Variants in SYS1 observed in about 807,000 individuals in gnomAD.
SYS1 encodes the protein protein SYS1 homolog.
A neutral mutation model predicts 17.8 loss-of-function variants in SYS1; 8 were observed. The ratio of observed to expected loss-of-function variants is 0.45; its 90% CI spans 0.26 to 0.81. SYS1 has a LOEUF of 0.81. Among genes scored for constraint, SYS1 ranks in the 40% least tolerant of loss-of-function variants. The pLI, the probability that SYS1 is intolerant of heterozygous loss-of-function variation, is 0.16. For missense variants in SYS1, 161 were observed against 203.9 expected (o/e 0.79, Z 1.28); for synonymous variants, 95 against 90.9 (o/e 1.05, Z -0.26).
downstream of SYS1, among the ~76,000 whole-genome samples, chr20:45,369,587 A>G (rs1222541054): frequency 6.8e-6 from 1 of 146,334 alleles, no homozygotes; most frequent in African/African-American, 2.5e-5. Flanking sequence ...AAATATAGCC[A>G]GAGATTTCCT....
intron 2 of SYS1, 148 bp downstream of exon 2, chr20:45,363,841 C>T (rs933909050): frequency 7.4e-5 from 65 of 873,536 alleles, no homozygotes; most frequent in Non-Finnish European, 1.0e-4. Flanking sequence ...CCTCAGCTGC[C>T]TCATCCATAA....
downstream of SYS1, among the ~76,000 whole-genome samples, chr20:45,369,924 CT>C (rs1441275985): frequency 1.1e-3 from 153 of 140,838 alleles, no homozygotes; most frequent in Middle Eastern, 3.8e-3. Flanking sequence ...CCCAACTGGC[CT>C]TTTTTTTTTT....
downstream of SYS1, chr20:45,373,466 T>A (rs191746634): frequency 5.4e-5 from 12 of 220,818 alleles, no homozygotes; most frequent in Admixed American, 5.6e-4. Context: ...CTATTCCGCC[T>A]GCCTCGTGAC....
At position 45,363,327 on chromosome 20, in the gene SYS1, C is replaced by G; in HGVS notation, c.-4+12C>G. On this transcript the variant is annotated intron_variant, in intron 1 of 3. Coordinates refer to ENST00000243918, the MANE Select transcript of SYS1 (RefSeq NM_033542.4). Reference sequence around the variant, plus strand: ...CGAGTCTGTCACTGGTGAGTAGACCCCAGAGGAGCTCGTGTACGGGCGGGG... The same window carrying G: ...CGAGTCTGTCACTGGTGAGTAGACCGCAGAGGAGCTCGTGTACGGGCGGGG... The G allele has an allele frequency of 7.1e-7, 1 of 1,416,984 alleles. No homozygotes were observed. The highest frequency in any genetic ancestry group is 1.5e-5 in the South Asian group (1 of 66,786). 87.8% of individuals were successfully genotyped at this position (1,416,984 alleles called of 1,614,324 possible). A position where few individuals can be genotyped will look rare whatever the true frequency, so the allele number is the denominator to read the frequency against.
chr20:45,374,205 C>G, downstream of SYS1: 1 of 675,272 alleles, frequency 1.5e-6, no homozygotes, highest in East Asian at 2.7e-5. Context: ...CTTTCATTCT[C>G]CCACGAAAGG....
At chr20:45,372,450 A>C (rs535355452), downstream of SYS1, 1 of 152,398 alleles carries the variant, frequency 6.6e-6, no homozygotes, top group African/African-American at 2.4e-5. Flanking sequence ...GCCCCCACGA[A>C]GGCTAGTGCA....
chr20:45,363,931 C>A (rs1277889201), intron 2 of SYS1, among the ~76,000 whole-genome samples: 1 of 152,158 alleles, frequency 6.6e-6, no homozygotes, highest in Non-Finnish European at 1.5e-5. Flanking sequence ...GTGTTCCAGG[C>A]AACTCTGATA....
intron 2 of SYS1, among the ~76,000 whole-genome samples, chr20:45,364,274 C>G (rs991885331): frequency 1.7e-4 from 26 of 152,126 alleles, no homozygotes; most frequent in African/African-American, 6.3e-4. Flanking sequence ...GCTGTGGGAC[C>G]TTGGGCAAGT....
At chr20:45,375,366 T>G (rs1186204458) in exon 4 of SYS1, 7 of 1,614,188 alleles carry the variant, frequency 4.3e-6, no homozygotes, top group African/African-American at 1.3e-5. Context: ...TCCGTGGCAT[T>G]GCCGCCAATG....
At position 45,363,327 on chromosome 20, in the gene SYS1, C is replaced by T; in HGVS notation, c.-4+12C>T. ...CGAGTCTGTCACTGGTGAGTAGACC[C>T]CAGAGGAGCTCGTGTACGGGCGGGG... On this transcript the variant is annotated intron_variant, in intron 1 of 3. Coordinates refer to ENST00000243918, the MANE Select transcript of SYS1 (RefSeq NM_033542.4). 2.1e-6 allele frequency: 3 copies of T among 1,416,984 alleles called. No individual in the cohort carries two copies. Among genetic ancestry groups the T allele is most frequent in the Non-Finnish European group, 2.8e-6 (3 of 1,087,308 alleles). The allele number at this position is 1,416,984 out of a possible 1,614,324, so 87.8% of individuals were successfully genotyped here.
chr20:45,367,339 G>T lies in SYS1; in HGVS notation c.*224G>T. 1 of 1,383,246 alleles carries T rather than the reference G, an allele frequency of 7.2e-7. No individual in the cohort carries two copies. Among genetic ancestry groups the T allele is most frequent in the Non-Finnish European group, 9.4e-7 (1 of 1,068,476 alleles). 85.7% of individuals were successfully genotyped at this position (1,383,246 alleles called of 1,614,324 possible). A position where few individuals can be genotyped will look rare whatever the true frequency, so the allele number is the denominator to read the frequency against. ...CTGTTGAAGCCTTGGTATCTGAGAGGTCAGGAAGGGGACCTCTTTGAGGGT... is the reference window on the plus strand; with the variant it reads ...CTGTTGAAGCCTTGGTATCTGAGAGTTCAGGAAGGGGACCTCTTTGAGGGT... On this transcript the variant is annotated 3_prime_UTR_variant, in exon 4 of 4. Transcript: ENST00000243918.
At chr20:45,363,023 C>T, upstream of SYS1, 1 of 837,858 alleles carries the variant, frequency 1.2e-6, no homozygotes, top group South Asian at 5.3e-5. Context: ...TGCCTTCACT[C>T]TTCCTTCTGC....
rs181072640 is a variant in SYS1 at position 45,368,169 on chromosome 20, C to T, written c.*1054C>T. 3 of 985,432 alleles carry T rather than the reference C, an allele frequency of 3.0e-6. No homozygotes were observed. The highest frequency in any genetic ancestry group is 6.1e-5 in the Admixed American group (1 of 16,284). 61.0% of individuals were successfully genotyped at this position (985,432 alleles called of 1,614,324 possible). ...CGGTTGAGATTGAGAGAGATCAGCG[C>T]AGCCAGGCAAGGGAACTTTAAAGAA... On this transcript the variant is annotated 3_prime_UTR_variant, in exon 4 of 4. Transcript: ENST00000243918.
Position 45,367,107 on chromosome 20 carries a change from A to G in SYS1, c.463A>G (p.Asn155Asp), listed in dbSNP as rs756373449. Residue 155 changes from asparagine (N) to aspartate (D), a missense_variant, in exon 4 of 4, where the codon AAT becomes GAT. Asn to Asp is a conservative substitution (Grantham distance 23). Transcript: ENST00000243918. ...EIPLNSAPKS[N>D]V ...ACCCCTCAACTCAGCCCCTAAATCC[A>G]ATGTCTAGAATCAGGCCCTTTGGAC... 1.2e-6 allele frequency: 2 copies of G among 1,613,908 alleles called. No homozygotes were observed. The highest frequency in any genetic ancestry group is 1.7e-6 in the Non-Finnish European group (2 of 1,180,012).
chr20:45,370,406 A>G (rs984501178), downstream of SYS1, among the ~76,000 whole-genome samples: 1 of 152,194 alleles, frequency 6.6e-6, no homozygotes, highest in African/African-American at 2.4e-5. Flanking sequence ...GGCCATTCAG[A>G]GAGAAAAGTG....
Position 45,367,719 on chromosome 20 carries a change from A to T in SYS1, c.*604A>T. On this transcript the variant is annotated 3_prime_UTR_variant, in exon 4 of 4. Coordinates refer to ENST00000243918, the MANE Select transcript of SYS1 (RefSeq NM_033542.4). ...CCTGTGCCCTGTTATACACACGTTC[A>T]TGTGCACCCAAGAACCTATGACTTT... is the stretch of plus-strand genomic sequence containing the variant. 5 of 987,316 alleles carry T rather than the reference A, an allele frequency of 5.1e-6. No individual in the cohort carries two copies. Among genetic ancestry groups the T allele is most frequent in the Non-Finnish European group, 6.0e-6 (5 of 831,046 alleles). 61.2% of individuals were successfully genotyped at this position (987,316 alleles called of 1,614,324 possible).
upstream of SYS1, among the ~76,000 whole-genome samples, chr20:45,362,263 G>T (rs1026069704): frequency 5.3e-5 from 8 of 152,162 alleles, no homozygotes; most frequent in Non-Finnish European, 1.2e-4. Flanking sequence ...TCAGGGCAGG[G>T]GCTGTCTTAT....
exon 4 of SYS1, chr20:45,376,014 C>T (rs1988720762): frequency 6.4e-6 from 1 of 156,556 alleles, no homozygotes; most frequent in South Asian, 1.9e-4. Context: ...ACAGAGGTTT[C>T]ACTGCTTTAA....
chr20:45,362,716 G>C (rs567746310), upstream of SYS1, among the ~76,000 whole-genome samples: 1 of 152,192 alleles, frequency 6.6e-6, no homozygotes, highest in Non-Finnish European at 1.5e-5. Flanking sequence ...CGTTGAAACA[G>C]TATGTTGCTT....
Sources: gnomAD v4.1 joint callset for allele counts (sites outside exome capture counted in the v4.1 genomes callset) on GRCh38, gnomAD v4.1.1 for gene constraint, MANE v1.5 for transcripts, NCBI Gene and HGNC (gene_info 2026-07-23, HGNC 2026-07-21) for gene names.